ADAMTS12: variants seen among roughly 807,000 people sequenced by gnomAD.
ADAMTS12 encodes ADAM metallopeptidase with thrombospondin type 1 motif 12, also known as A disintegrin and metalloproteinase with thrombospondin motifs 12.
A neutral mutation model predicts 167.8 loss-of-function variants in ADAMTS12; 118 were observed. The observed-to-expected ratio is 0.70, with a 90% confidence interval of 0.61 to 0.82. The LOEUF (loss-of-function observed/expected upper bound fraction) is 0.82, where lower values mean the gene tolerates loss of function less well. ADAMTS12 is among the 40% of genes least tolerant of loss of function. The pLI is 0.00. For missense variants in ADAMTS12, 1,916 were observed against 1,998.8 expected, an observed-to-expected ratio of 0.96 and a Z score of 0.79; for synonymous variants, 704 against 716.9, an observed-to-expected ratio of 0.98 and a Z score of 0.29.
intron 3 of ADAMTS12, among the ~76,000 whole-genome samples, chr5:33,689,845 C>T (rs564282220): frequency 6.6e-6 from 1 of 152,306 alleles, no homozygotes; most frequent in South Asian, 2.1e-4. Context: ...TGGAACCTTT[C>T]CTTGATACAA....
At chr5:33,855,815 A>T (rs758960745) in intron 2 of ADAMTS12, among the ~76,000 whole-genome samples, 8 of 152,210 alleles carry the variant, frequency 5.3e-5, no homozygotes, top group Admixed American at 1.3e-4. Flanking sequence ...CCTTGCATCA[A>T]CCACAGTCTC....
At chr5:33,624,085 G>T in intron 14 of ADAMTS12, 146 bp downstream of exon 14, 1 of 1,254,594 alleles carries the variant, frequency 8.0e-7, no homozygotes. Context: ...TTCCTCCTTT[G>T]TGGTAAAGGC....
Position 33,658,272 on chromosome 5 carries a change from C to A in ADAMTS12, c.1102G>T (p.Gly368Ter). 6.2e-7 allele frequency: 1 copy of A among 1,613,710 alleles called. No individual in the cohort carries two copies. The highest frequency in any genetic ancestry group is 8.5e-7 in the Non-Finnish European group (1 of 1,179,696). Reference sequence around the variant, plus strand: ...CAACTGCGGTGAGGCTGACACATTCCTGAAAGGTGAGACAGGCCCAGGGTC... The same window carrying A: ...CAACTGCGGTGAGGCTGACACATTCATGAAAGGTGAGACAGGCCCAGGGTC... ...CETLGLSHLS[G>*]MCQPHRSCNI... Residue 368 changes from glycine to a stop codon, truncating the protein, a stop_gained, in exon 7 of 24, where the codon GGA becomes TGA. Transcript: ENST00000504830. LOFTEE classifies it high-confidence loss of function.
At chr5:33,824,470 G>T (rs1747985179) in intron 2 of ADAMTS12, among the ~76,000 whole-genome samples, 1 of 152,166 alleles carries the variant, frequency 6.6e-6, no homozygotes, top group Non-Finnish European at 1.5e-5. Context: ...CTTCAATGGA[G>T]CAAGTTAGTC....
chr5:33,761,750 A>G (rs1412578423), intron 2 of ADAMTS12, among the ~76,000 whole-genome samples: 2 of 152,184 alleles, frequency 1.3e-5, no homozygotes, highest in Admixed American at 6.5e-5. Context: ...CCACTACCCT[A>G]TAAGGAGAAT....
chr5:33,670,400 A>C (rs1443039283), intron 5 of ADAMTS12, among the ~76,000 whole-genome samples: 1 of 152,204 alleles, frequency 6.6e-6, no homozygotes, highest in Non-Finnish European at 1.5e-5. Context: ...GTGAGAGTGG[A>C]AAATGGTGCA....
At chr5:33,706,284 T>C (rs1743197731) in intron 3 of ADAMTS12, among the ~76,000 whole-genome samples, 1 of 152,122 alleles carries the variant, frequency 6.6e-6, no homozygotes, top group Non-Finnish European at 1.5e-5. Context: ...TGATCTAATA[T>C]TGACAGTGGG....
chr5:33,576,166 T>G lies in ADAMTS12; in HGVS notation c.3860A>C (p.Glu1287Ala), dbSNP rs1404984152. The change falls in exon 19 of 24, where the codon GAG becomes GCG. Residue 1287 changes from glutamate (E) to alanine (A), a missense_variant. Coordinates refer to ENST00000504830, the MANE Select transcript of ADAMTS12 (RefSeq NM_030955.4). The part of the protein sequence containing the change: ...QTKSSEPVLT[E>A]EDATSLITEG... ...AGTAATCAGACTTGTTGCATCCTCCTCAGTCAGGACTGGTTCAGAACTTTT... is the reference window on the plus strand; with the variant it reads ...AGTAATCAGACTTGTTGCATCCTCCGCAGTCAGGACTGGTTCAGAACTTTT... 2.5e-6 allele frequency: 4 copies of G among 1,614,234 alleles called. No homozygotes were observed. In the Admixed American group the frequency reaches 6.7e-5, roughly 27 times the overall value.
At chr5:33,775,321 C>G (rs1436974100) in intron 2 of ADAMTS12, among the ~76,000 whole-genome samples, 1 of 152,082 alleles carries the variant, frequency 6.6e-6, no homozygotes, top group Non-Finnish European at 1.5e-5. Flanking sequence ...AATAGGATTT[C>G]TGAGGTGGGT....
chr5:33,748,741 T>C lies in ADAMTS12; in HGVS notation c.634+2663A>G, dbSNP rs141502192. 7.9e-5 allele frequency among the ~76,000 whole-genome samples: 12 copies of C among 152,300 alleles called. No homozygotes were observed. The East Asian group carries it at 9.6e-4, about 12-fold the overall frequency. ...ATCACAGTAATTCAGTCTGGCAACA[T>C]CAACTGACCTAAGCATGAAATGTAC... On this transcript the variant is annotated intron_variant, in intron 3 of 23. Transcript: ENST00000504830.
chr5:33,591,953 G>C (rs1747663244), intron 17 of ADAMTS12, among the ~76,000 whole-genome samples: 2 of 152,022 alleles, frequency 1.3e-5, no homozygotes, highest in East Asian at 3.9e-4. Context: ...AGGCGCGGTA[G>C]CTCACGCCTG....
intron 23 of ADAMTS12, among the ~76,000 whole-genome samples, chr5:33,533,093 G>A (rs536445363): frequency 2.6e-4 from 40 of 152,210 alleles, no homozygotes; most frequent in Non-Finnish European, 3.8e-4. Flanking sequence ...ACTATTCGTC[G>A]CCATTTATTC....
rs189224304 is a variant in ADAMTS12 at position 33,620,604 on chromosome 5, C to G, written c.2143+3627G>C. Among the ~76,000 whole-genome samples, 180 of 152,302 alleles carry G rather than the reference C, an allele frequency of 1.2e-3. 1 individual carries two copies. The highest frequency in any genetic ancestry group is 3.3e-3 in the African/African-American group (139 of 41,576). On this transcript the variant is annotated intron_variant, in intron 14 of 23. Transcript: ENST00000504830. Reference sequence around the variant, plus strand: ...GCATCTTTGGTTTGTTTACACTTCTCTCAACTGCAAATGGTGCCATGTGTG... The same window carrying G: ...GCATCTTTGGTTTGTTTACACTTCTGTCAACTGCAAATGGTGCCATGTGTG...
At chr5:33,578,937 A>AAATAAT (rs4049321) in intron 18 of ADAMTS12, among the ~76,000 whole-genome samples, 1 of 152,086 alleles carries the variant, frequency 6.6e-6, no homozygotes, top group East Asian at 1.9e-4. Flanking sequence ...ATTTGTTTTG[A>AAATAAT]AATAATAATA....
intron 20 of ADAMTS12, among the ~76,000 whole-genome samples, chr5:33,554,449 T>C (rs1461119896): frequency 1.3e-5 from 2 of 152,104 alleles, no homozygotes; most frequent in Non-Finnish European, 2.9e-5. Flanking sequence ...TTCTTGAGAA[T>C]CTCTTAATCT....
intron 2 of ADAMTS12, among the ~76,000 whole-genome samples, chr5:33,836,725 G>A (rs981261028): frequency 3.3e-5 from 5 of 152,076 alleles, no homozygotes; most frequent in Non-Finnish European, 5.9e-5. Context: ...TGAGAACTGA[G>A]GGAGAAGAAC....
At chr5:33,614,084 T>C (rs1738863326) in intron 16 of ADAMTS12, among the ~76,000 whole-genome samples, 154 bp downstream of exon 16, 1 of 152,222 alleles carries the variant, frequency 6.6e-6, no homozygotes, top group African/African-American at 2.4e-5. Context: ...CTTCAAACCA[T>C]GCCCATGTTC....
At chr5:33,613,398 A>G (rs535380715) in intron 16 of ADAMTS12, among the ~76,000 whole-genome samples, 24 of 152,226 alleles carry the variant, frequency 1.6e-4, no homozygotes, top group Non-Finnish European at 2.8e-4. Context: ...TGCTCCTCAA[A>G]TGTCCACGTA....
rs531400219 is a variant in ADAMTS12 at position 33,715,950 on chromosome 5, G to A, written c.635-31895C>T. On this transcript the variant is annotated intron_variant, in intron 3 of 23. Coordinates refer to ENST00000504830, the MANE Select transcript of ADAMTS12 (RefSeq NM_030955.4). ...TTGACTCACAATTTACTGTTAATAAGGGCCCAGGCATTTTACAGCTCTGTA... is the reference window on the plus strand; with the variant it reads ...TTGACTCACAATTTACTGTTAATAAAGGCCCAGGCATTTTACAGCTCTGTA... 3.1e-4 allele frequency among the ~76,000 whole-genome samples: 47 copies of A among 152,156 alleles called. 1 individual carries two copies. In the South Asian group the frequency reaches 8.5e-3, roughly 28 times the overall value.
Sources: allele counts gnomAD v4.1 joint callset (sites outside exome capture counted in the v4.1 genomes callset), GRCh38; gene constraint gnomAD v4.1.1; transcripts MANE v1.5; gene names NCBI Gene and HGNC (gene_info 2026-07-23, HGNC 2026-07-21).